The following AGAP4 variants were observed in gnomAD, a reference collection of about 807,000 sequenced individuals.
AGAP4 encodes the protein ArfGAP with GTPase domain, ankyrin repeat and PH domain 4, also known as arf-GAP with GTPase, ANK repeat and PH domain-containing protein 4.
AGAP4 carries 13 observed loss-of-function variants against 60.7 expected under a neutral mutation model. The ratio of observed to expected loss-of-function variants is 0.21; its 90% CI spans 0.14 to 0.34. The LOEUF (loss-of-function observed/expected upper bound fraction) is 0.34. Among genes scored for constraint, AGAP4 ranks in the 10% least tolerant of loss-of-function variants. The pLI is 1.00. For missense variants in AGAP4, 169 were observed against 884.0 expected (o/e 0.19, Z 10.26); for synonymous variants, 70 against 339.0 (o/e 0.21, Z 8.72).
intron 3 of AGAP4, among the ~76,000 whole-genome samples, chr10:45,842,586 T>C (rs1326627087): frequency 6.7e-6 from 1 of 148,892 alleles, no homozygotes; most frequent in Non-Finnish European, 1.5e-5. Context: ...TAATTGGACA[T>C]GGTGTCTGCA....
chr10:45,852,217 T>TAAAAAAAA (rs781889843), upstream of AGAP4, among the ~76,000 whole-genome samples: 5 of 91,734 alleles, frequency 5.5e-5, no homozygotes, highest in African/African-American at 2.7e-4. Context: ...GGCCAGACTT[T>TAAAAAAAA]AAAAAAAAAA....
rs1245069837 is a variant in AGAP4, at chr10:45,831,503, G to A, written c.498-74C>T. ...CCTGAAGACATTTTTTAAAAGGGGGGCAGAGGAAACTCTCCTAGTGGCCCT... is the reference window on the plus strand; with the variant it reads ...CCTGAAGACATTTTTTAAAAGGGGGACAGAGGAAACTCTCCTAGTGGCCCT... On this transcript the variant is annotated intron_variant, in intron 5 of 7. Transcript: ENST00000616763. 2.2e-6 allele frequency: 3 copies of A among 1,344,004 alleles called. 1 individual carries two copies. The highest frequency in any genetic ancestry group is 3.6e-5 in the Admixed American group (2 of 55,550). The allele number at this position is 1,344,004 out of a possible 1,614,324, so 83.3% of individuals were successfully genotyped here. A position where few individuals can be genotyped will look rare whatever the true frequency, so the allele number is the denominator to read the frequency against.
At chr10:45,839,016 T>C (rs1186213214) in intron 4 of AGAP4, among the ~76,000 whole-genome samples, 4 of 122,638 alleles carry the variant, frequency 3.3e-5, no homozygotes, top group African/African-American at 1.2e-4. Context: ...AATTAGACTT[T>C]GATTTAAACA....
chr10:45,852,303 T>TA (rs1305628945), upstream of AGAP4, among the ~76,000 whole-genome samples: 1 of 129,680 alleles, frequency 7.7e-6, no homozygotes, highest in African/African-American at 2.9e-5. Flanking sequence ...TACAACTAAC[T>TA]AAAAAAAGCC....
rs1432537062 is a variant in AGAP4 at position 45,826,874 on chromosome 10, C to T, written c.1102G>A (p.Asp368Asn). 7.8e-7 allele frequency: 1 copy of T among 1,281,682 alleles called. No individual in the cohort carries two copies. The highest frequency in any genetic ancestry group is 1.5e-5 in the South Asian group (1 of 67,952). 79.4% of individuals were successfully genotyped at this position (1,281,682 alleles called of 1,614,324 possible). ...CATATGGAGTCACCCAGCCCGGTGT[C>T]CATGTCCTTGGATAGGCCATTGCTT... ...SKSNGLSKDMDTGLGDSICFS... is the reference protein window; with the variant it reads ...SKSNGLSKDMNTGLGDSICFS... The change falls in exon 8 of 8, where the codon GAC becomes AAC. Residue 368 changes from aspartate (D) to asparagine (N), a missense_variant. By Grantham distance (23) the Asp-to-Asn change is conservative. Transcript: ENST00000616763.
intron 4 of AGAP4, among the ~76,000 whole-genome samples, chr10:45,840,481 C>G (rs1554898573): frequency 1.1e-5 from 1 of 93,066 alleles, no homozygotes; most frequent in African/African-American, 4.8e-5. Flanking sequence ...AGACATTGAG[C>G]ATATCTAGGG....
At chr10:45,832,186 A>T (rs1260132178) in intron 5 of AGAP4, among the ~76,000 whole-genome samples, 15 of 142,508 alleles carry the variant, frequency 1.1e-4, no homozygotes, top group Non-Finnish European at 1.9e-4. Flanking sequence ...AGCAGGTAAG[A>T]TGGATATGTC....
At chr10:45,831,728 C>T (rs1450446401) in intron 5 of AGAP4, among the ~76,000 whole-genome samples, 8 of 113,398 alleles carry the variant, frequency 7.1e-5, no homozygotes, top group African/African-American at 2.7e-4. Context: ...TCGTCCCATG[C>T]GATTTATTTT....
At chr10:45,844,889 G>A (rs1409206941) in intron 2 of AGAP4, among the ~76,000 whole-genome samples, 1 of 125,976 alleles carries the variant, frequency 7.9e-6, no homozygotes, top group Non-Finnish European at 1.8e-5. Context: ...CTCTTGAGTA[G>A]CTGTCTTCCA....
upstream of AGAP4, among the ~76,000 whole-genome samples, chr10:45,851,149 A>T (rs1267593188): frequency 1.3e-5 from 2 of 152,200 alleles, no homozygotes; most frequent in Non-Finnish European, 2.9e-5. Context: ...AAAGCAATTG[A>T]AGCCATGGGT....
Position 45,827,179 on chromosome 10 carries a change from C to G in AGAP4, c.797G>C (p.Arg266Thr). The change falls in exon 8 of 8, where the codon AGG becomes ACG. Residue 266 changes from arginine to threonine, a missense_variant. Coordinates refer to ENST00000616763, the MANE Select transcript of AGAP4 (RefSeq NM_001276343.3). ...SEKGSDPDKE[R>T]KAPENHADTI... ...GTCAGCATGATTCTCCGGGGCTTTC[C>G]TCTCTTTGTCTGGGTCACTCCCTTT... The G allele has an allele frequency of 1.1e-6, 1 of 899,028 alleles. No individual in the cohort carries two copies. The highest frequency in any genetic ancestry group is 2.4e-5 in the Admixed American group (1 of 41,030). The allele number at this position is 899,028 out of a possible 1,614,324, so 55.7% of individuals were successfully genotyped here.
intron 1 of AGAP4, among the ~76,000 whole-genome samples, chr10:45,852,778 C>G (rs1443268900): frequency 6.6e-6 from 1 of 151,958 alleles, no homozygotes; most frequent in African/African-American, 2.4e-5. Flanking sequence ...TCTTCAGGAC[C>G]TAGAGGCTAC....
intron 4 of AGAP4, among the ~76,000 whole-genome samples, chr10:45,836,887 T>TG (rs1181984835): frequency 2.7e-5 from 4 of 147,436 alleles, no homozygotes; most frequent in East Asian, 2.0e-4. Context: ...TTTTTTGAGA[T>TG]GGAGTCTCGC....
At position 45,830,776 on chromosome 10, in the gene AGAP4, T is replaced by C. The variant is rs1160308139; in HGVS notation, c.533+618A>G. 1.0e-4 allele frequency among the ~76,000 whole-genome samples: 13 copies of C among 127,634 alleles called. 1 individual carries two copies. The highest frequency in any genetic ancestry group is 9.1e-4 in the Admixed American group (12 of 13,256). The allele number at this position is 127,634 out of a possible 152,430, so 83.7% of individuals were successfully genotyped here. ...CTGGGATTACAGGCGTGAGCCACCG[T>C]GCCCAACCTCTTATTGCTGCTTTAA... is the stretch of plus-strand genomic sequence containing the variant. On this transcript the variant is annotated intron_variant, in intron 6 of 7. Transcript: ENST00000616763.
At chr10:45,829,962 G>A (rs2058705243) in intron 6 of AGAP4, among the ~76,000 whole-genome samples, 1 of 147,198 alleles carries the variant, frequency 6.8e-6, no homozygotes, top group African/African-American at 2.5e-5. Flanking sequence ...TGCAAGTATG[G>A]AGCAAAAGAT....
intron 4 of AGAP4, among the ~76,000 whole-genome samples, chr10:45,834,840 C>G (rs1196162693): frequency 6.2e-5 from 9 of 146,078 alleles, no homozygotes; most frequent in African/African-American, 2.5e-4. Context: ...GTGGCGCGAT[C>G]TCGGCTCACT....
chr10:45,853,986 T>C (rs2059112656), upstream of AGAP4: 1 of 885,294 alleles, frequency 1.1e-6, no homozygotes, highest in African/African-American at 1.8e-5. Context: ...GTGGACTTAA[T>C]TCTACTGGAG....
In AGAP4 at chr10:45,844,321, C is replaced by T; in HGVS notation, c.361+5G>A. On this transcript the variant is annotated splice_donor_5th_base_variant and intron_variant, in intron 3 of 7. Transcript: ENST00000616763. ...CTCTTGGTGGAAAAAACAATGTCGTCTCACCATCTGTTTGAGAGTTCCTCT... is the reference window on the plus strand; with the variant it reads ...CTCTTGGTGGAAAAAACAATGTCGTTTCACCATCTGTTTGAGAGTTCCTCT... 6.3e-7 allele frequency: 1 copy of T among 1,594,300 alleles called. No individual in the cohort carries two copies. Among genetic ancestry groups the T allele is most frequent in the African/African-American group, 1.4e-5 (1 of 71,468 alleles).
At chr10:45,844,607 G>T in intron 2 of AGAP4, 1 of 482,050 alleles carries the variant, frequency 2.1e-6, no homozygotes, top group Non-Finnish European at 3.6e-6. Context: ...AAAATCACTT[G>T]AACCCAGGTC....
Sources: gnomAD v4.1 joint callset for allele counts (sites outside exome capture counted in the v4.1 genomes callset) on GRCh38, gnomAD v4.1.1 for gene constraint, MANE v1.5 for transcripts, NCBI Gene and HGNC (gene_info 2026-07-23, HGNC 2026-07-21) for gene names.